Variants in SLC60A1 observed in about 807,000 individuals in gnomAD.
SLC60A1 encodes the protein major facilitator superfamily domain containing 4.
the SLC60A1 span, chr1:205,592,203 G>T: frequency 6.2e-7 from 1 of 1,614,088 alleles, no homozygotes; most frequent in Non-Finnish European, 8.5e-7. Flanking sequence ...CTTCCTGTTC[G>T]TGGGGACGGC....
At chr1:205,600,769 G>A in the SLC60A1 span, 1 of 297,812 alleles carries the variant, frequency 3.4e-6, no homozygotes, top group Non-Finnish European at 6.3e-6. Context: ...CTCATGCATG[G>A]ACCATACTCT....
the SLC60A1 span, chr1:205,601,015 C>T: frequency 1.3e-5 from 2 of 152,314 alleles, no homozygotes; most frequent in Non-Finnish European, 2.9e-5. Flanking sequence ...AAAGTTGAAT[C>T]TTGCTCTCTT....
the SLC60A1 span, chr1:205,600,297 C>A: frequency 8.6e-7 from 1 of 1,167,074 alleles, no homozygotes; most frequent in Non-Finnish European, 1.2e-6. Flanking sequence ...CCTCTAGAGC[C>A]ACAGAATGGC....
chr1:205,590,647 A>G, the SLC60A1 span, among the ~76,000 whole-genome samples: 3 of 152,178 alleles, frequency 2.0e-5, no homozygotes, highest in Non-Finnish European at 4.4e-5. Flanking sequence ...TCGGCTCCCA[A>G]CCCTGAAAGT....
At chr1:205,589,804 G>T in the SLC60A1 span, among the ~76,000 whole-genome samples, 15 of 152,196 alleles carry the variant, frequency 9.9e-5, no homozygotes, top group African/African-American at 3.6e-4. Context: ...GACTGTAGCT[G>T]GCAAGAGTCA....
the SLC60A1 span, chr1:205,597,481 T>C: frequency 9.4e-6 from 2 of 212,924 alleles, no homozygotes; most frequent in South Asian, 1.4e-4. Flanking sequence ...CTCCAATTCA[T>C]GGGCTCGAGG....
the SLC60A1 span, chr1:205,601,916 CTCTT>C: frequency 3.3e-5 from 5 of 152,216 alleles, no homozygotes; most frequent in African/African-American, 1.2e-4. Flanking sequence ...GGGAAAAAAA[CTCTT>C]TATACCATGG....
chr1:205,587,119 G>A, the SLC60A1 span, among the ~76,000 whole-genome samples: 3 of 152,174 alleles, frequency 2.0e-5, no homozygotes, highest in South Asian at 6.2e-4. Flanking sequence ...TGTCCATCCA[G>A]GTCACCATCC....
At chr1:205,580,357 T>C in the SLC60A1 span, among the ~76,000 whole-genome samples, 1 of 152,130 alleles carries the variant, frequency 6.6e-6, no homozygotes, top group Non-Finnish European at 1.5e-5. This position sits in a 1 kb window ranked among gnomAD's most constrained non-coding sequence, Gnocchi z 5.0. Flanking sequence ...GATGCTAACA[T>C]GGTGATCAGT....
the SLC60A1 span, chr1:205,580,631 C>A: frequency 3.2e-6 from 5 of 1,585,516 alleles, no homozygotes; most frequent in South Asian, 2.2e-5. The surrounding 1 kb of genome is among the most constrained non-coding windows in gnomAD (Gnocchi z 5.0). Context: ...TGACCCCCAC[C>A]CCCACCCGCC....
At chr1:205,579,767 T>C in the SLC60A1 span, 1 of 1,614,136 alleles carries the variant, frequency 6.2e-7, no homozygotes, top group South Asian at 1.1e-5. Flanking sequence ...CCAGTCACTA[T>C]GGGCCCTGTT....
chr1:205,580,629 A>ACCCCCCCCCC, the SLC60A1 span: 4 of 639,782 alleles, frequency 6.3e-6, no homozygotes, highest in Admixed American at 3.4e-5. This position sits in a 1 kb window ranked among gnomAD's most constrained non-coding sequence, Gnocchi z 5.0. Context: ...ACTGACCCCC[A>ACCCCCCCCCC]CCCCCACCCG....
chr1:205,597,851 G>C, the SLC60A1 span: 1 of 1,613,858 alleles, frequency 6.2e-7, no homozygotes, highest in Non-Finnish European at 8.5e-7. Context: ...GGTTGGTTCG[G>C]TATGTGGGGA....
chr1:205,599,238 T>C, the SLC60A1 span: 1 of 1,614,110 alleles, frequency 6.2e-7, no homozygotes, highest in Non-Finnish European at 8.5e-7. Flanking sequence ...GGATGCACCC[T>C]GGACTCCCAT....
the SLC60A1 span, chr1:205,599,313 G>C: frequency 1.0e-5 from 16 of 1,596,510 alleles, no homozygotes; most frequent in Non-Finnish European, 1.3e-5. Flanking sequence ...GGGGAGCGGG[G>C]GAGCAGGAGA....
At chr1:205,596,544 C>CAAAAAAAAAAAAAAAA in the SLC60A1 span, among the ~76,000 whole-genome samples, 4 of 49,110 alleles carry the variant, frequency 8.1e-5, no homozygotes, top group Admixed American at 3.8e-4. Context: ...GACTCTGTCT[C>CAAAAAAAAAAAAAAAA]AAAAAAAAAA....
chr1:205,600,332 CTCTCAGAATGAATCAT>C, the SLC60A1 span: 1 of 1,468,254 alleles, frequency 6.8e-7, no homozygotes, highest in South Asian at 1.2e-5. Context: ...CCTGGGTAAG[CTCTCAGAATGAATCAT>C]CACTGCAACT....
chr1:205,600,402 G>A, the SLC60A1 span: 2 of 1,613,646 alleles, frequency 1.2e-6, no homozygotes, highest in Non-Finnish European at 1.7e-6. Context: ...TTTTTCTTTT[G>A]TAGTTCCTAC....
the SLC60A1 span, among the ~76,000 whole-genome samples, chr1:205,590,887 G>A: frequency 6.6e-6 from 1 of 152,034 alleles, no homozygotes; most frequent in East Asian, 1.9e-4. Flanking sequence ...AGTTTACAGA[G>A]CCCCTTCATC....
Sources: allele counts gnomAD v4.1 joint callset (sites outside exome capture counted in the v4.1 genomes callset), GRCh38; gene constraint gnomAD v4.1.1; non-coding constraint Gnocchi (gnomAD v3.1); transcripts MANE v1.5; gene names NCBI Gene and HGNC (gene_info 2026-07-23, HGNC 2026-07-21).